CEP72: variants seen among roughly 807,000 people sequenced by gnomAD.
CEP72 encodes centrosomal protein 72, also known as centrosomal protein of 72 kDa.
A neutral mutation model predicts 65.7 loss-of-function variants in CEP72; 78 were observed. That is an observed-to-expected ratio of 1.19 (90% CI 0.99 to 1.43). The LOEUF (loss-of-function observed/expected upper bound fraction) is 1.43. CEP72 is among the 40% of genes most tolerant of loss of function. The pLI, the probability that CEP72 is intolerant of heterozygous loss-of-function variation, is 0.00. For synonymous variants in CEP72, 358 were observed against 351.7 expected (o/e 1.02, Z -0.20); for missense variants, 914 against 832.9 (o/e 1.10, Z -1.20).
At chr5:654,215 T>C (rs1268551903), downstream of CEP72, among the ~76,000 whole-genome samples, 1 of 150,214 alleles carries the variant, frequency 6.7e-6, no homozygotes, top group African/African-American at 2.5e-5. Context: ...TAGCTGTGTG[T>C]GCGCTTGCTG....
Position 637,724 on chromosome 5 carries a change from A to G in CEP72, c.1112A>G (p.Asp371Gly), listed in dbSNP as rs1169612552. The G allele has an allele frequency of 1.2e-6, 2 of 1,613,396 alleles. No individual in the cohort carries two copies. Among genetic ancestry groups the G allele is most frequent in the African/African-American group, 2.7e-5 (2 of 74,912 alleles). Residue 371 changes from aspartate to glycine, a missense_variant, in exon 7 of 12, where the codon GAC (aspartate) becomes GGC (glycine). Transcript: ENST00000264935. ...CCCAAGGAGAGCCTGAGCAGACAGGACAGCTCAGAAAGCAGGAACGGGAGG... is the reference window on the plus strand; with the variant it reads ...CCCAAGGAGAGCCTGAGCAGACAGGGCAGCTCAGAAAGCAGGAACGGGAGG... The part of the protein sequence containing the change: ...SVPKESLSRQ[D>G]SSESRNGRTL...
intron 10 of CEP72, among the ~76,000 whole-genome samples, chr5:646,420 A>G (rs1037123453): frequency 6.6e-6 from 1 of 152,110 alleles, no homozygotes; most frequent in Non-Finnish European, 1.5e-5. Context: ...TGCTTTTTAC[A>G]TGAAAATTGT....
chr5:634,867 A>G (rs1422157718), intron 5 of CEP72, among the ~76,000 whole-genome samples: 1 of 152,028 alleles, frequency 6.6e-6, no homozygotes, highest in African/African-American at 2.4e-5. Context: ...ATTACAGTCC[A>G]GTTTATGAAG....
intron 4 of CEP72, 62 bp from the exon 5 acceptor site, chr5:633,707 C>A: frequency 6.6e-7 from 1 of 1,505,080 alleles, no homozygotes; most frequent in South Asian, 1.2e-5. Context: ...TTCTCCTGGT[C>A]TGCGTGGGCC....
Position 665,857 on chromosome 5 carries a change from G to T in CEP72, n.434-84G>T. The stretch of plus-strand genomic sequence containing the variant: ...CCACGCCTCCCAGGACCCCCCCCAG[G>T]TCACGCCCCCAATCCATGTCCCTCC... On this transcript the variant is annotated intron_variant and non_coding_transcript_variant, in intron 3 of 4. Transcript: ENST00000514507. The T allele has an allele frequency of 1.1e-5, 5 of 455,792 alleles. No homozygotes were observed. In the South Asian group the frequency reaches 2.6e-4, roughly 24 times the overall value. The allele number at this position is 455,792 out of a possible 1,614,324, so 28.2% of individuals were successfully genotyped here.
the CEP72 span, chr5:675,923 C>T: frequency 1.3e-5 from 2 of 152,180 alleles, no homozygotes; most frequent in Non-Finnish European, 2.9e-5. Context: ...TGGGAAGCCA[C>T]AGAGGAGGTT....
chr5:631,478 G>A (rs1737182119), intron 4 of CEP72, among the ~76,000 whole-genome samples: 2 of 51,498 alleles, frequency 3.9e-5, no homozygotes, highest in Admixed American at 3.9e-4. Context: ...TCTGTCCAGC[G>A]CCGGGATTTG....
At chr5:613,407 G>C (rs1281482587) in intron 1 of CEP72, among the ~76,000 whole-genome samples, 1 of 151,940 alleles carries the variant, frequency 6.6e-6, no homozygotes, top group Non-Finnish European at 1.5e-5. Flanking sequence ...GTCTCACTCT[G>C]TCGTCCAGGT....
chr5:656,268 G>A (rs1739376235), downstream of CEP72, among the ~76,000 whole-genome samples: 1 of 152,154 alleles, frequency 6.6e-6, no homozygotes, highest in Admixed American at 6.5e-5. Flanking sequence ...CTTATGTTAG[G>A]ATGTCTTGGC....
chr5:629,538 G>A (rs1390710926), intron 4 of CEP72, among the ~76,000 whole-genome samples: 7 of 115,322 alleles, frequency 6.1e-5, no homozygotes, highest in African/African-American at 2.2e-4. Flanking sequence ...GCCGGGATTT[G>A]GACCAGTCCT....
chr5:646,115 G>A (rs1738406363), intron 10 of CEP72, among the ~76,000 whole-genome samples: 1 of 152,152 alleles, frequency 6.6e-6, no homozygotes, highest in Non-Finnish European at 1.5e-5. Context: ...TGGTGAATTC[G>A]GCTTCTTTCC....
At chr5:635,831 AG>A (rs1255779490) in intron 6 of CEP72, among the ~76,000 whole-genome samples, 1 of 152,266 alleles carries the variant, frequency 6.6e-6, no homozygotes. Context: ...CCTGCGCTAC[AG>A]CATTCCTGCC....
intron 4 of CEP72, chr5:666,129 G>GGGGCACAGGCGTCTTA: frequency 6.2e-7 from 1 of 1,606,620 alleles, no homozygotes. Flanking sequence ...TCCCTCTACA[G>GGGGCACAGGCGTCTTA]GGGCACAGGC....
chr5:620,946 C>G (rs1403739373), intron 3 of CEP72, among the ~76,000 whole-genome samples: 2 of 152,166 alleles, frequency 1.3e-5, no homozygotes, highest in Non-Finnish European at 2.9e-5. Context: ...CTCTGCTGAC[C>G]CTACCCCGAG....
At chr5:650,410 G>GA (rs1206624792) in intron 11 of CEP72, among the ~76,000 whole-genome samples, 1 of 68,416 alleles carries the variant, frequency 1.5e-5, no homozygotes, top group East Asian at 6.0e-4. Context: ...GTGTGACTGT[G>GA]GGTGTGAGGT....
chr5:656,927 GCTT>G (rs1219625636), downstream of CEP72: 7 of 151,988 alleles, frequency 4.6e-5, no homozygotes, highest in African/African-American at 1.7e-4. Flanking sequence ...TTGTTTTAAA[GCTT>G]CTTCTATCAA....
chr5:627,025 C>G lies in CEP72; in HGVS notation c.512+2446C>G, dbSNP rs183796769. ...GTTTTGGTTTTAGGATCATGCTGAC[C>G]GCATAGAATGAGTTAGGAAGTCATC... On this transcript the variant is annotated intron_variant, in intron 4 of 11. Transcript: ENST00000264935. Among the ~76,000 whole-genome samples, 41 of 152,292 alleles carry G rather than the reference C, an allele frequency of 2.7e-4. No homozygotes were observed. The South Asian group carries it at 8.5e-3, about 32-fold the overall frequency.
intron 4 of CEP72, among the ~76,000 whole-genome samples, chr5:627,771 C>T (rs551962069): frequency 6.3e-4 from 96 of 152,270 alleles, no homozygotes; most frequent in African/African-American, 2.3e-3. Flanking sequence ...GTTGGAAATG[C>T]TGTATTCTAG....
chr5:618,224 T>C (rs1736120954), intron 1 of CEP72, among the ~76,000 whole-genome samples: 1 of 152,032 alleles, frequency 6.6e-6, no homozygotes, highest in Non-Finnish European at 1.5e-5. Flanking sequence ...CTTGGAGGTA[T>C]TGTAGAGATA....
Sources: gnomAD v4.1 joint callset for allele counts (sites outside exome capture counted in the v4.1 genomes callset) on GRCh38, gnomAD v4.1.1 for gene constraint, MANE v1.5 for transcripts, NCBI Gene and HGNC (gene_info 2026-07-23, HGNC 2026-07-21) for gene names.